The following MAGEB17 variants were observed in gnomAD, a reference collection of about 807,000 sequenced individuals.
MAGEB17 encodes the protein melanoma-associated antigen B17.
For synonymous variants in MAGEB17, 110 were observed against 112.4 expected (o/e 0.98, Z 0.13); for missense variants, 251 against 281.4 (o/e 0.89, Z 0.77).
Position 16,171,020 on chromosome X carries a change from G to C in MAGEB17, c.638G>C (p.Gly213Ala). The stretch of plus-strand genomic sequence containing the variant: ...CTCCTGAGCACCATCTTCATGCATG[G>C]CAACCGTGCCACTGAGGAAGAGATG... ...MVLLSTIFMH[G>A]NRATEEEMWE... is the part of the protein sequence containing the mutation. Residue 213 changes from glycine to alanine, a missense_variant, in exon 2 of 2, where the codon GGC (glycine) becomes GCC (alanine). Gly to Ala is a moderately conservative substitution (Grantham distance 60). Transcript: ENST00000400004. 1.7e-6 allele frequency: 2 copies of C among 1,167,121 alleles called. No homozygotes were observed. The highest frequency in any genetic ancestry group is 2.3e-6 in the Non-Finnish European group (2 of 872,901).
At position 16,171,016 on chromosome X, in the gene MAGEB17, C is replaced by A; in HGVS notation, c.634C>A (p.His212Asn). ...GGTTCTCCTGAGCACCATCTTCATGCATGGCAACCGTGCCACTGAGGAAGA... is the reference window on the plus strand; with the variant it reads ...GGTTCTCCTGAGCACCATCTTCATGAATGGCAACCGTGCCACTGAGGAAGA... Reference protein sequence around the residue: ...LMVLLSTIFMHGNRATEEEMW... With the variant: ...LMVLLSTIFMNGNRATEEEMW... The change falls in exon 2 of 2, where the codon CAT becomes AAT. Residue 212 changes from histidine (H) to asparagine (N), a missense_variant. By Grantham distance (68) the His-to-Asn change is moderately conservative. Coordinates refer to ENST00000400004, the MANE Select transcript of MAGEB17 (RefSeq NM_001277307.2). 8.6e-7 allele frequency: 1 copy of A among 1,166,902 alleles called. No individual in the cohort carries two copies. The highest frequency in any genetic ancestry group is 1.1e-6 in the Non-Finnish European group (1 of 872,832).
rs768973695 is a variant in MAGEB17 at position 16,170,846 on chromosome X, C to T, written c.464C>T (p.Thr155Ile). 2.5e-4 allele frequency: 289 copies of T among 1,166,123 alleles called. 1 individual carries two copies. In the African/African-American group the frequency reaches 4.8e-3, roughly 19 times the overall value. ...TTCCCTGAGATCCTCCGGAGAAGCA[C>T]TGAGAACGTAGAGGTGGTCTTTGGC... ...QHFPEILRRS[T>I]ENVEVVFGLY... is the part of the protein sequence containing the mutation. The change falls in exon 2 of 2, where the codon ACT (threonine) becomes ATT (isoleucine). Residue 155 changes from threonine (T) to isoleucine (I), a missense_variant. Coordinates refer to ENST00000400004, the MANE Select transcript of MAGEB17 (RefSeq NM_001277307.2).
chrX:16,170,392 G>T lies in MAGEB17; in HGVS notation c.10G>T (p.Gly4Cys). The change falls in exon 2 of 2, where the codon GGT becomes TGT. Residue 4 changes from glycine (G) to cysteine (C), a missense_variant. Physicochemically the swap from Gly to Cys is radical, Grantham distance 159. Transcript: ENST00000400004. ...CCTAAGCACAGTCATCATGCCTCGC[G>T]GTCAGGCGAGTAAGCGCCGTGCCCG... MPR[G>C]QASKRRAREK... The T allele has an allele frequency of 8.6e-7, 1 of 1,160,527 alleles. No individual in the cohort carries two copies. The highest frequency in any genetic ancestry group is 1.2e-6 in the Non-Finnish European group (1 of 869,349).
chrX:16,169,519 G>A (rs951151643), intron 1 of MAGEB17, among the ~76,000 whole-genome samples: 2 of 111,881 alleles, frequency 1.8e-5, no homozygotes, highest in African/African-American at 3.3e-5. Flanking sequence ...TGGAGGGGCT[G>A]GTATGAGGTA....
In MAGEB17 at chrX:16,169,227, C is replaced by T. The variant is rs767370304; in HGVS notation, c.-49-1107C>T. 3.6e-5 allele frequency among the ~76,000 whole-genome samples: 4 copies of T among 112,029 alleles called. 1 individual carries two copies. Among genetic ancestry groups the T allele is most frequent in the African/African-American group, 1.3e-4 (4 of 30,809 alleles). ...ACATAGAGCACCACCCCTACTGTCA[C>T]CTCTGGGAGACCCAGGCACGTTGGC... On this transcript the variant is annotated intron_variant, in intron 1 of 1. Coordinates refer to ENST00000400004, the MANE Select transcript of MAGEB17 (RefSeq NM_001277307.2).
chrX:16,170,294 C>A, intron 1 of MAGEB17, 40 bp from the exon 2 acceptor site: 4 of 1,100,314 alleles, frequency 3.6e-6, no homozygotes, highest in Non-Finnish European at 3.6e-6. Flanking sequence ...GTGATATCTC[C>A]CCACTGAGGG....
intron 1 of MAGEB17, among the ~76,000 whole-genome samples, chrX:16,168,430 G>T (rs751353274): frequency 8.9e-6 from 1 of 112,210 alleles, no homozygotes; most frequent in African/African-American, 3.2e-5. Context: ...AGCTCTGGGA[G>T]ACCCCGTGCA....
At chrX:16,169,498 G>GT (rs778518739) in intron 1 of MAGEB17, among the ~76,000 whole-genome samples, 7 of 112,211 alleles carry the variant, frequency 6.2e-5, no homozygotes, top group Non-Finnish European at 1.1e-4. Flanking sequence ...CTTCCTAGGG[G>GT]TATTTCAGAA....
Position 16,171,036 on chromosome X carries a change from G to C in MAGEB17, c.654G>C (p.Glu218Asp). 1 of 1,169,468 alleles carries C rather than the reference G, an allele frequency of 8.6e-7. No homozygotes were observed. Residue 218 changes from glutamate to aspartate, a missense_variant, in exon 2 of 2, where the codon GAG becomes GAC. Physicochemically the swap from Glu to Asp is conservative, Grantham distance 45. Coordinates refer to ENST00000400004, the MANE Select transcript of MAGEB17 (RefSeq NM_001277307.2). Reference protein sequence around the residue: ...TIFMHGNRATEEEMWECLNAL... With the variant: ...TIFMHGNRATDEEMWECLNAL... Reference sequence around the variant, plus strand: ...TCATGCATGGCAACCGTGCCACTGAGGAAGAGATGTGGGAATGCCTGAATG... The same window carrying C: ...TCATGCATGGCAACCGTGCCACTGACGAAGAGATGTGGGAATGCCTGAATG...
Position 16,170,582 on chromosome X carries a change from A to AC in MAGEB17, c.204dup (p.Ser69GlnfsTer13). The AC allele has an allele frequency of 8.6e-7, 1 of 1,166,536 alleles. No individual in the cohort carries two copies. The highest frequency in any genetic ancestry group is 1.1e-6 in the Non-Finnish European group (1 of 872,952). ...CCTCAGGAGTCCCAGAGAGCCAGCT[A>AC]CCCCAGCTCTCCTGCTTCAGCTGTT... On this transcript the variant is annotated frameshift_variant, in exon 2 of 2. Coordinates refer to ENST00000400004, the MANE Select transcript of MAGEB17 (RefSeq NM_001277307.2). LOFTEE classifies it low-confidence loss of function (END_TRUNC).
At chrX:16,169,731 C>CTG (rs1923016210) in intron 1 of MAGEB17, among the ~76,000 whole-genome samples, 1 of 111,132 alleles carries the variant, frequency 9.0e-6, no homozygotes, top group Admixed American at 9.5e-5. Flanking sequence ...TCAGAGTGGA[C>CTG]AGGGCCTGGG....
chrX:16,171,409 T>C lies in MAGEB17; in HGVS notation c.*16T>C. On this transcript the variant is annotated 3_prime_UTR_variant, in exon 2 of 2. Transcript: ENST00000400004. ...TCAGCCCTAGTGAAGTCTCAGGCAATCCTCACTAAGAGATTGAAAAGCCTG... is the reference window on the plus strand; with the variant it reads ...TCAGCCCTAGTGAAGTCTCAGGCAACCCTCACTAAGAGATTGAAAAGCCTG... 1 of 1,090,181 alleles carries C rather than the reference T, an allele frequency of 9.2e-7. No individual in the cohort carries two copies. Among genetic ancestry groups the C allele is most frequent in the Non-Finnish European group, 1.2e-6 (1 of 837,612 alleles). The allele number at this position is 1,090,181 out of a possible 1,213,427, so 89.8% of individuals were successfully genotyped here. A position where few individuals can be genotyped will look rare whatever the true frequency, so the allele number is the denominator to read the frequency against.
In MAGEB17 at chrX:16,167,594, G is replaced by A. The variant is rs1017111850; in HGVS notation, c.-239G>A. 1 of 110,677 alleles carries A rather than the reference G, an allele frequency of 9.0e-6. No individual in the cohort carries two copies. The highest frequency in any genetic ancestry group is 3.3e-5 in the African/African-American group (1 of 30,337). The allele number at this position is 110,677 out of a possible 1,213,427, so 9.1% of individuals were successfully genotyped here. A position where few individuals can be genotyped will look rare whatever the true frequency, so the allele number is the denominator to read the frequency against. ...AGAGGACACTGAGTACACTGGAGAG[G>A]ACTTCTATGCAAAAAGGGGGCCCGA... On this transcript the variant is annotated 5_prime_UTR_variant, in exon 1 of 2. Transcript: ENST00000400004.
Position 16,171,234 on chromosome X carries a change from G to GA in MAGEB17, c.855dup (p.Val286SerfsTer10), listed in dbSNP as rs751505862. 1 of 1,210,168 alleles carries GA rather than the reference G, an allele frequency of 8.3e-7. No homozygotes were observed. ...GGGCCCGTGCTGAAACCAGCAAAAT[G>GA]AAAGTCCTGGAGTTTGTGGCCAAGC... On this transcript the variant is annotated frameshift_variant, in exon 2 of 2. Transcript: ENST00000400004. LOFTEE classifies it low-confidence loss of function (END_TRUNC).
In MAGEB17 at chrX:16,171,449, AT is replaced by A; in HGVS notation, c.*59del. On this transcript the variant is annotated 3_prime_UTR_variant, in exon 2 of 2. Coordinates refer to ENST00000400004, the MANE Select transcript of MAGEB17 (RefSeq NM_001277307.2). ...TGAAAAGCCTGTCCACCATCTCAGT[AT>A]TTGGGGGTGAGGTGGGGAGCCCAAG... 1.9e-6 allele frequency: 2 copies of A among 1,061,066 alleles called. No homozygotes were observed. Among genetic ancestry groups the A allele is most frequent in the African/African-American group, 1.9e-5 (1 of 53,121 alleles). The allele number at this position is 1,061,066 out of a possible 1,213,427, so 87.4% of individuals were successfully genotyped here.
Position 16,170,542 on chromosome X carries a change from C to A in MAGEB17, c.160C>A (p.Pro54Thr). ...PACQSPPQSF[P>T]NAGIPQESQR... is the part of the protein sequence containing the mutation. ...ATGCCAGAGTCCTCCCCAGAGCTTC[C>A]CCAATGCAGGCATTCCTCAGGAGTC... Residue 54 changes from proline to threonine, a missense_variant, in exon 2 of 2, where the codon CCC becomes ACC. Coordinates refer to ENST00000400004, the MANE Select transcript of MAGEB17 (RefSeq NM_001277307.2). 1 of 1,167,348 alleles carries A rather than the reference C, an allele frequency of 8.6e-7. No homozygotes were observed. Among genetic ancestry groups the A allele is most frequent in the Non-Finnish European group, 1.1e-6 (1 of 873,129 alleles).
chrX:16,170,707 C>T lies in MAGEB17; in HGVS notation c.325C>T (p.Leu109=), dbSNP rs1410741145. 3.4e-6 allele frequency: 4 copies of T among 1,165,888 alleles called. No individual in the cohort carries two copies. The African/African-American group carries it at 5.4e-5, about 16-fold the overall frequency. The change falls in exon 2 of 2, where the codon CTG becomes TTG. Residue 109 remains leucine, a synonymous_variant. Transcript: ENST00000400004. ...CTCTGAGAGCACAGGAAGAGATCTTCTGAACACGAAGACGGGCGAATTGGT... is the reference window on the plus strand; with the variant it reads ...CTCTGAGAGCACAGGAAGAGATCTTTTGAACACGAAGACGGGCGAATTGGT... ...SSSESTGRDL[L]NTKTGELVQF...
intron 1 of MAGEB17, among the ~76,000 whole-genome samples, chrX:16,169,719 G>T (rs976545804): frequency 1.8e-5 from 2 of 111,359 alleles, no homozygotes; most frequent in African/African-American, 6.5e-5. Context: ...GCCTATGGGG[G>T]CTCAGAGTGG....
chrX:16,168,588 G>C (rs1189064046), intron 1 of MAGEB17: 1 of 112,533 alleles, frequency 8.9e-6, no homozygotes, highest in East Asian at 2.8e-4. Flanking sequence ...GCCAGGTTCA[G>C]AACCCTGAGG....
Sources: allele counts gnomAD v4.1 joint callset (sites outside exome capture counted in the v4.1 genomes callset), GRCh38; gene constraint gnomAD v4.1.1; transcripts MANE v1.5; gene names NCBI Gene and HGNC (gene_info 2026-07-23, HGNC 2026-07-21).